Variants in SASH1 observed in about 807,000 individuals in gnomAD.
SASH1 encodes SAM and SH3 domain containing 1.
A neutral mutation model predicts 125.2 loss-of-function variants in SASH1; 44 were observed. The observed-to-expected ratio is 0.35, with a 90% CI of 0.28 to 0.45. The LOEUF (loss-of-function observed/expected upper bound fraction) is 0.45, where lower values mean the gene tolerates loss of function less well. Ranked by LOEUF, SASH1 falls within the 20% of genes least tolerant of loss-of-function variation. SASH1 has a pLI of 1.00. For missense variants in SASH1, 1,426 were observed against 1,614.5 expected, an observed-to-expected ratio of 0.88 and a Z score of 2.00; for synonymous variants, 639 against 649.1, an observed-to-expected ratio of 0.98 and a Z score of 0.24.
intron 1 of SASH1, among the ~76,000 whole-genome samples, chr6:148,329,486 C>T (rs1292304336): frequency 6.6e-6 from 1 of 152,248 alleles, no homozygotes; most frequent in Non-Finnish European, 1.5e-5. Context: ...CTTGAAGCTT[C>T]TCTCTCCATA....
At chr6:148,238,407 A>G in the SASH1 span, among the ~76,000 whole-genome samples, 3 of 152,086 alleles carry the variant, frequency 2.0e-5, no homozygotes, top group Non-Finnish European at 1.5e-5. Flanking sequence ...TATTTTTAGT[A>G]GAGACAGAGT....
chr6:148,387,599 T>G (rs369475249), intron 1 of SASH1, among the ~76,000 whole-genome samples: 2 of 14,602 alleles, frequency 1.4e-4, no homozygotes, highest in Admixed American at 1.1e-3. Context: ...TTTCTTTCTT[T>G]CTTTCTTTCT....
chr6:148,390,341 G>C (rs1783649494), intron 2 of SASH1, 79 bp downstream of exon 2: 1 of 1,398,892 alleles, frequency 7.1e-7, no homozygotes, highest in African/African-American at 1.4e-5. Flanking sequence ...TTATCCCAGT[G>C]CTAGCTCTTC....
At chr6:148,537,392 A>G (rs970343415) in intron 16 of SASH1, among the ~76,000 whole-genome samples, 142 of 152,290 alleles carry the variant, frequency 9.3e-4, no homozygotes, top group African/African-American at 3.2e-3. Flanking sequence ...TGGCAAATGA[A>G]AGCCTCTTAC....
At position 148,309,261 on chromosome 6, in the gene SASH1, C is replaced by T. The variant is rs375643987; in HGVS notation, n.74+36884C>T. The stretch of plus-strand genomic sequence containing the variant: ...TAAAGACAACGTCTTTTCAAATAGA[C>T]TTTGCAAGACTTTCTGCCTTTTCAG... On this transcript the variant is annotated intron_variant and non_coding_transcript_variant, in intron 1 of 3. Coordinates refer to the SASH1 transcript ENST00000367469. Among the ~76,000 whole-genome samples, 10 of 152,210 alleles carry T rather than the reference C, an allele frequency of 6.6e-5. No individual in the cohort carries two copies. The South Asian group carries it at 1.9e-3, about 28-fold the overall frequency.
intron 1 of SASH1, among the ~76,000 whole-genome samples, chr6:148,281,106 C>CT (rs34144143): frequency 0.014 from 982 of 69,224 alleles, 26 homozygotes; most frequent in Middle Eastern, 0.054. Context: ...CCATGCCTAG[C>CT]TTTTTTTTTT....
chr6:148,368,972 T>C (rs146646566), intron 1 of SASH1, among the ~76,000 whole-genome samples: 13 of 152,334 alleles, frequency 8.5e-5, no homozygotes, highest in Admixed American at 4.6e-4. Flanking sequence ...TGTCTCTTAC[T>C]CTGGAAGATA....
intron 4 of SASH1, among the ~76,000 whole-genome samples, chr6:148,458,456 A>G (rs1046633721): frequency 1.3e-5 from 2 of 152,168 alleles, no homozygotes; most frequent in African/African-American, 4.8e-5. Context: ...TGAACTGGAT[A>G]TTGACATGGG....
rs771133131 is a variant in SASH1, at chr6:148,544,477, G to C, written c.3007G>C (p.Val1003Leu). ...RERLANGLHP[V>L]PMGPSGALPS... is the part of the protein sequence containing the mutation. ...ACGCCTTGCTAACGGACTCCACCCT[G>C]TTCCCATGGGCCCCAGTGGGGCCCT... Residue 1003 changes from valine (V) to leucine (L), a missense_variant, in exon 18 of 20, where the codon GTT (valine) becomes CTT (leucine). This residue lies in a region of SASH1 where 634 missense variants were observed against 694.4 expected (regional missense o/e 0.91). Transcript: ENST00000367467. The surrounding 1 kb of genome is among the most constrained non-coding windows in gnomAD (Gnocchi z 6.4). 5.6e-6 allele frequency: 9 copies of C among 1,613,928 alleles called. No individual in the cohort carries two copies. In the South Asian group the frequency reaches 8.8e-5, roughly 16 times the overall value.
intron 7 of SASH1, among the ~76,000 whole-genome samples, chr6:148,477,564 C>G (rs531130134): frequency 6.6e-6 from 1 of 152,118 alleles, no homozygotes; most frequent in African/African-American, 2.4e-5. Context: ...CTCACTCTGT[C>G]GCCCAGGCTG....
At chr6:148,211,880 C>T in the SASH1 span, among the ~76,000 whole-genome samples, 2 of 152,162 alleles carry the variant, frequency 1.3e-5, no homozygotes, top group South Asian at 2.1e-4. Flanking sequence ...GGAACCCCCA[C>T]GTTCCTTCTT....
chr6:148,441,464 A>G (rs1039238117), intron 4 of SASH1, among the ~76,000 whole-genome samples: 2 of 152,216 alleles, frequency 1.3e-5, no homozygotes, highest in African/African-American at 4.8e-5. Flanking sequence ...TGAGAAGATA[A>G]CTGTGCACAC....
At chr6:148,217,501 G>A in the SASH1 span, among the ~76,000 whole-genome samples, 6,500 of 152,184 alleles carry the variant, frequency 0.043, 194 homozygotes, top group East Asian at 0.11. Flanking sequence ...CCATTTTACA[G>A]ACAGGAAAAC....
chr6:148,254,274 A>G, the SASH1 span, among the ~76,000 whole-genome samples: 1 of 152,192 alleles, frequency 6.6e-6, no homozygotes, highest in Non-Finnish European at 1.5e-5. Context: ...TGCAAGTCAT[A>G]TATCTGATAA....
chr6:148,524,121 A>ATAT (rs1193506716), intron 10 of SASH1, among the ~76,000 whole-genome samples: 19 of 128,610 alleles, frequency 1.5e-4, no homozygotes, highest in Admixed American at 5.5e-4. Flanking sequence ...ATATATATAT[A>ATAT]TTTTTTTTAA....
chr6:148,215,728 G>A, the SASH1 span, among the ~76,000 whole-genome samples: 3 of 152,102 alleles, frequency 2.0e-5, no homozygotes, highest in Admixed American at 1.3e-4. Flanking sequence ...ATCCCCAGAC[G>A]TCAGGGTCAA....
the SASH1 span, among the ~76,000 whole-genome samples, chr6:148,253,467 C>G: frequency 6.6e-6 from 1 of 152,146 alleles, no homozygotes; most frequent in African/African-American, 2.4e-5. Flanking sequence ...AAAGAAGATA[C>G]ATGAGTAGAT....
intron 10 of SASH1, chr6:148,524,980 C>T: frequency 3.1e-6 from 1 of 327,338 alleles, no homozygotes; most frequent in Non-Finnish European, 5.8e-6. Context: ...TCTCACAGCA[C>T]TGGACTCATG....
intron 1 of SASH1, among the ~76,000 whole-genome samples, chr6:148,387,507 T>C (rs9377131): frequency 7.2e-6 from 1 of 138,566 alleles, no homozygotes; most frequent in Non-Finnish European, 1.5e-5. Context: ...TTCTCTCTCT[T>C]TCTTTTTCCT....
Sources: gnomAD v4.1 joint callset for allele counts (sites outside exome capture counted in the v4.1 genomes callset) on GRCh38, gnomAD v4.1.1 for gene constraint, gnomAD v4.1.1 regional missense constraint, Gnocchi (gnomAD v3.1) non-coding constraint, MANE v1.5 for transcripts, NCBI Gene and HGNC (gene_info 2026-07-23, HGNC 2026-07-21) for gene names.